ZFAT: variants seen among roughly 807,000 people sequenced by gnomAD.
ZFAT encodes the protein zinc finger protein ZFAT.
Under a neutral mutation model 117.7 loss-of-function variants are expected in ZFAT, and 64 were observed. That is an observed-to-expected ratio of 0.54 (90% CI 0.44 to 0.67). The LOEUF is 0.67. ZFAT is among the 30% of genes least tolerant of loss of function. The pLI is 0.00. For missense variants in ZFAT, 1,433 were observed against 1,584.5 expected (o/e 0.90, Z 1.62); for synonymous variants, 679 against 615.0 (o/e 1.10, Z -1.54).
Position 134,602,568 on chromosome 8 carries a change from A to C in ZFAT, c.1151T>G (p.Val384Gly). The change falls in exon 6 of 16, where the codon GTC becomes GGC. Residue 384 changes from valine (V) to glycine (G), a missense_variant. This residue lies in a region of ZFAT where 436 missense variants were observed against 482.0 expected (regional missense o/e 0.90). Transcript: ENST00000377838. ...RDAHDPQDKKVKEALDELCLM... is the reference protein window; with the variant it reads ...RDAHDPQDKKGKEALDELCLM... ...GCAGAGCTCGTCCAAGGCCTCTTTGACCTTCTTGTCCTGTGGGTCATGCGC... is the reference window on the plus strand; with the variant it reads ...GCAGAGCTCGTCCAAGGCCTCTTTGCCCTTCTTGTCCTGTGGGTCATGCGC... 1 of 1,613,904 alleles carries C rather than the reference A, an allele frequency of 6.2e-7. No homozygotes were observed. The highest frequency in any genetic ancestry group is 1.7e-5 in the Admixed American group (1 of 60,012).
At chr8:134,585,604 A>T (rs976053237) in intron 9 of ZFAT, among the ~76,000 whole-genome samples, 4 of 152,134 alleles carry the variant, frequency 2.6e-5, no homozygotes, top group African/African-American at 9.7e-5. Flanking sequence ...ATCTTTGCCC[A>T]CCCACGGGCC....
intron 2 of ZFAT, among the ~76,000 whole-genome samples, chr8:134,648,068 T>C (rs1831003524): frequency 6.6e-6 from 1 of 151,788 alleles, no homozygotes; most frequent in South Asian, 2.1e-4. Context: ...ATGGTAGCTA[T>C]GTGAGGTAAT....
rs1824168721 is a variant in ZFAT, at chr8:134,563,158, C to T, written c.2976+2175G>A. On this transcript the variant is annotated intron_variant, in intron 11 of 15. Coordinates refer to ENST00000377838, the MANE Select transcript of ZFAT (RefSeq NM_020863.4). ...AATACGTACACAAATATGCATAACGCTAAAGACGCTTCTTGATTCAGACAC... is the reference window on the plus strand; with the variant it reads ...AATACGTACACAAATATGCATAACGTTAAAGACGCTTCTTGATTCAGACAC... 3.3e-5 allele frequency among the ~76,000 whole-genome samples: 5 copies of T among 152,314 alleles called. No individual in the cohort carries two copies. In the South Asian group the frequency reaches 1.0e-3, roughly 32 times the overall value.
At chr8:134,822,262 TACAC>T in the ZFAT span, among the ~76,000 whole-genome samples, 1 of 152,096 alleles carries the variant, frequency 6.6e-6, no homozygotes, top group Non-Finnish European at 1.5e-5. Context: ...GGTAGACTAT[TACAC>T]AGCATGTCAC....
intron 1 of ZFAT, among the ~76,000 whole-genome samples, chr8:134,695,739 G>A (rs67654984): frequency 0.12 from 18,206 of 146,742 alleles, 1,131 homozygotes; most frequent in Non-Finnish European, 0.16. Flanking sequence ...GGCCTTGCCC[G>A]CATCTCTAAC....
the ZFAT span, among the ~76,000 whole-genome samples, chr8:134,807,318 C>A: frequency 6.6e-6 from 1 of 152,094 alleles, no homozygotes; most frequent in African/African-American, 2.4e-5. Flanking sequence ...CGAATACAAG[C>A]CATTATCTCC....
intron 1 of ZFAT, among the ~76,000 whole-genome samples, chr8:134,659,868 GA>G (rs1374066717): frequency 2.6e-5 from 4 of 152,232 alleles, no homozygotes; most frequent in African/African-American, 9.6e-5. Flanking sequence ...TGGGTTCACA[GA>G]AAGACTTTCT....
the ZFAT span, among the ~76,000 whole-genome samples, chr8:134,831,572 C>T: frequency 6.6e-6 from 1 of 152,190 alleles, no homozygotes; most frequent in Non-Finnish European, 1.5e-5. Flanking sequence ...TTTCGCTGGC[C>T]CCGGCAAAAA....
intron 15 of ZFAT, among the ~76,000 whole-genome samples, chr8:134,480,753 C>T (rs1204910123): frequency 6.6e-6 from 1 of 152,204 alleles, no homozygotes; most frequent in African/African-American, 2.4e-5. Flanking sequence ...CGGGTCCTTT[C>T]CTGGCCTGCA....
Position 134,694,151 on chromosome 8 carries a change from A to G in ZFAT, c.19+18694T>C, listed in dbSNP as rs548798248. 1.7e-3 allele frequency among the ~76,000 whole-genome samples: 259 copies of G among 152,316 alleles called. 1 individual carries two copies. Among genetic ancestry groups the G allele is most frequent in the African/African-American group, 5.9e-3 (244 of 41,566 alleles). On this transcript the variant is annotated intron_variant, in intron 1 of 15. Transcript: ENST00000377838. ...GACATGACGCTGGAACGCGGGGCGC[A>G]GCTGAGGTGTCCTTCCGCCATAAAA...
chr8:134,546,308 G>C (rs1043538110), intron 11 of ZFAT, among the ~76,000 whole-genome samples: 1 of 152,182 alleles, frequency 6.6e-6, no homozygotes, highest in Non-Finnish European at 1.5e-5. Flanking sequence ...AGTGCTTCCC[G>C]AGGGGTTTTG....
intron 2 of ZFAT, among the ~76,000 whole-genome samples, chr8:134,645,694 T>C (rs1310023101): frequency 3.9e-5 from 6 of 152,234 alleles, no homozygotes; most frequent in Non-Finnish European, 8.8e-5. Flanking sequence ...CATGCTGTTT[T>C]AACTCCTCTG....
the ZFAT span, among the ~76,000 whole-genome samples, chr8:134,817,622 T>C: frequency 6.6e-6 from 1 of 152,196 alleles, no homozygotes; most frequent in Non-Finnish European, 1.5e-5. Context: ...ATGTCAATTC[T>C]TTCCAAATTG....
intron 11 of ZFAT, among the ~76,000 whole-genome samples, chr8:134,563,456 T>C (rs1317412074): frequency 1.3e-5 from 2 of 152,214 alleles, no homozygotes; most frequent in East Asian, 1.9e-4. Context: ...TGACACTCAA[T>C]GTCTTCAACT....
chr8:134,613,677 G>A (rs1187135990), intron 3 of ZFAT, among the ~76,000 whole-genome samples: 2 of 152,196 alleles, frequency 1.3e-5, no homozygotes, highest in African/African-American at 4.8e-5. Flanking sequence ...TGCTCCGTCT[G>A]AACAGCTAGG....
At chr8:134,663,814 TAGGCACGGTAAAGG>T (rs1301519975) in intron 1 of ZFAT, among the ~76,000 whole-genome samples, 1 of 152,148 alleles carries the variant, frequency 6.6e-6, no homozygotes, top group Non-Finnish European at 1.5e-5. Flanking sequence ...GAAACACTGC[TAGGCACGGTAAAGG>T]ATAACACAGC....
At chr8:134,638,479 G>A (rs886993699) in intron 2 of ZFAT, among the ~76,000 whole-genome samples, 13 of 151,076 alleles carry the variant, frequency 8.6e-5, no homozygotes, top group African/African-American at 2.9e-4. Context: ...GCCGAGGTGG[G>A]CGGATCACGA....
chr8:134,635,648 G>GGAGAGAGGGAGA (rs1554609679), intron 3 of ZFAT, among the ~76,000 whole-genome samples: 1 of 149,588 alleles, frequency 6.7e-6, no homozygotes, highest in African/African-American at 2.5e-5. Flanking sequence ...AGGGAGAGAG[G>GGAGAGAGGGAGA]GAGAGAGAGA....
At chr8:134,527,484 G>A (rs1821109420) in intron 12 of ZFAT, among the ~76,000 whole-genome samples, 1 of 152,216 alleles carries the variant, frequency 6.6e-6, no homozygotes, top group African/African-American at 2.4e-5. Context: ...ATTAACAAGT[G>A]AATATGGAAT....
Sources: allele counts gnomAD v4.1 joint callset (sites outside exome capture counted in the v4.1 genomes callset), GRCh38; gene constraint gnomAD v4.1.1; regional missense constraint gnomAD v4.1.1; transcripts MANE v1.5; gene names NCBI Gene and HGNC (gene_info 2026-07-23, HGNC 2026-07-21).